Variants in TJP3 observed in about 807,000 individuals in gnomAD.
The protein encoded by TJP3 is tight junction protein ZO-3.
TJP3 carries 85 observed loss-of-function variants against 104.2 expected under a neutral mutation model. The ratio of observed to expected loss-of-function variants is 0.82; its 90% CI spans 0.68 to 0.98. The LOEUF (loss-of-function observed/expected upper bound fraction) is 0.98, where lower values mean the gene tolerates loss of function less well. Ranked by LOEUF, TJP3 falls within the 50% of genes least tolerant of loss-of-function variation. TJP3 has a pLI of 0.00. For missense variants in TJP3, 1,367 were observed against 1,322.8 expected (o/e 1.03, Z -0.52); for synonymous variants, 550 against 550.6 (o/e 1.00, Z 0.02).
rs2036749905 is a variant in TJP3, at chr19:3,737,254, T to A, written c.1284+933T>A. On this transcript the variant is annotated intron_variant, in intron 11 of 20. Coordinates refer to ENST00000541714, the MANE Select transcript of TJP3 (RefSeq NM_001267560.2). ...CATTCTTGTTATCAATGTCACAATC[T>A]CCTTGTTATCAATGTCAGGACTTTG... Among the ~76,000 whole-genome samples the A allele has an allele frequency of 2.0e-5, 3 of 152,148 alleles. No individual in the cohort carries two copies. The South Asian group carries it at 6.2e-4, about 32-fold the overall frequency.
intron 1 of TJP3, among the ~76,000 whole-genome samples, chr19:3,719,435 A>G (rs1003888414): frequency 1.3e-5 from 2 of 151,868 alleles, no homozygotes; most frequent in African/African-American, 4.8e-5. Flanking sequence ...CTTCATCTAT[A>G]AAATATGTGT....
chr19:3,724,062 G>A (rs1007447620), intron 1 of TJP3, among the ~76,000 whole-genome samples: 1 of 152,094 alleles, frequency 6.6e-6, no homozygotes, highest in African/African-American at 2.4e-5. Context: ...CAGGCACTGT[G>A]GAGCTCTGGA....
chr19:3,722,535 G>A (rs908436105), intron 1 of TJP3, among the ~76,000 whole-genome samples: 123 of 150,416 alleles, frequency 8.2e-4, no homozygotes, highest in Non-Finnish European at 8.6e-4. Context: ...CCAGGCAGAG[G>A]CAGGGGTGGG....
At chr19:3,724,364 T>A (rs1262531719) in intron 1 of TJP3, among the ~76,000 whole-genome samples, 1 of 151,938 alleles carries the variant, frequency 6.6e-6, no homozygotes, top group Non-Finnish European at 1.5e-5. Context: ...CCCTGCTAAT[T>A]TTTTGTATTT....
At chr19:3,749,413 C>T (rs1383309120) in intron 19 of TJP3, among the ~76,000 whole-genome samples, 6 of 152,112 alleles carry the variant, frequency 3.9e-5, no homozygotes, top group Non-Finnish European at 4.4e-5. Context: ...AATCATAGTT[C>T]GTTGCGGCCT....
chr19:3,738,194 C>T (rs903066148), intron 11 of TJP3, among the ~76,000 whole-genome samples: 2 of 152,210 alleles, frequency 1.3e-5, no homozygotes, highest in African/African-American at 4.8e-5. Flanking sequence ...ACTGTGACTA[C>T]GTCTGAGTTC....
Position 3,728,465 on chromosome 19 carries a change from G to A in TJP3, c.33G>A (p.Thr11=), listed in dbSNP as rs756660702. The part of the protein sequence containing the change: MEELTIWEQH[T]ATLSKDPRRG... The stretch of plus-strand genomic sequence containing the variant: ...AGCTGACCATCTGGGAACAGCACAC[G>A]GCCACACTGTCCAAGGTGAGGCCTC... Residue 11 remains threonine (T), a synonymous_variant, in exon 2 of 21, where the codon ACG becomes ACA. Transcript: ENST00000541714. 16 of 1,612,676 alleles carry A rather than the reference G, an allele frequency of 9.9e-6. No individual in the cohort carries two copies. The highest frequency in any genetic ancestry group is 2.7e-5 in the African/African-American group (2 of 74,834).
intron 18 of TJP3, 21 bp from the exon 19 acceptor site, chr19:3,747,773 G>A (rs765489530): frequency 1.9e-6 from 3 of 1,545,880 alleles, no homozygotes; most frequent in East Asian, 4.6e-5. Context: ...GCCAGCCGCA[G>A]CATCCACACC....
At chr19:3,722,868 GCAC>G (rs1568379705) in intron 1 of TJP3, among the ~76,000 whole-genome samples, 32 of 70,934 alleles carry the variant, frequency 4.5e-4, no homozygotes, top group East Asian at 7.4e-4. Flanking sequence ...GGGGGGGGGG[GCAC>G]AGGGGACGGC....
rs370721014 is a variant in TJP3 at position 3,735,909 on chromosome 19, C to T, written c.1101C>T (p.Pro367=). 177 of 1,614,130 alleles carry T rather than the reference C, an allele frequency of 1.1e-4. No homozygotes were observed. The Middle Eastern group carries it at 1.2e-3, about 11-fold the overall frequency. ...RESSYDIYRV[P]SSQSMEDRGY... ...GCAGCTATGACATCTACAGAGTGCC[C>T]AGCAGTCAGAGCATGGAGGATCGTG... Residue 367 remains proline, a synonymous_variant, in exon 10 of 21, where the codon CCC becomes CCT. Transcript: ENST00000541714.
chr19:3,746,858 C>G lies in TJP3; in HGVS notation c.2304C>G (p.Ile768Met). 1 of 1,588,696 alleles carries G rather than the reference C, an allele frequency of 6.3e-7. No individual in the cohort carries two copies. Among genetic ancestry groups the G allele is most frequent in the Non-Finnish European group, 8.6e-7 (1 of 1,166,646 alleles). Residue 768 changes from isoleucine (I) to methionine (M), a missense_variant, in exon 18 of 21, where the codon ATC becomes ATG. Transcript: ENST00000541714. The surrounding 1 kb of genome is among the most constrained non-coding windows in gnomAD (Gnocchi z 4.1). ...TTCGAGAGCAGCAGACGCGGCCCATCTGGACGGCGGAAGATCAGGTACTGC... is the reference window on the plus strand; with the variant it reads ...TTCGAGAGCAGCAGACGCGGCCCATGTGGACGGCGGAAGATCAGGTACTGC... ...AIIREQQTRP[I>M]WTAEDQLDGS...
chr19:3,737,320 C>T (rs924202683), intron 11 of TJP3, among the ~76,000 whole-genome samples: 2 of 152,070 alleles, frequency 1.3e-5, no homozygotes, highest in Admixed American at 6.6e-5. Context: ...TTGTCTGGGT[C>T]GCAATCCTCT....
At position 3,728,601 on chromosome 19, in the gene TJP3, C is replaced by T. The variant is rs755698864; in HGVS notation, c.49-3C>T. On this transcript the variant is annotated splice_region_variant and splice_polypyrimidine_tract_variant and intron_variant, in intron 2 of 20. Coordinates refer to ENST00000541714, the MANE Select transcript of TJP3 (RefSeq NM_001267560.2). ...GCTCTTCCTTCCCCTCATCCTCTCT[C>T]AGGACCCCCGCCGGGGCTTTGGCAT... is the stretch of plus-strand genomic sequence containing the variant. The T allele has an allele frequency of 5.0e-6, 8 of 1,611,476 alleles. No homozygotes were observed. The East Asian group carries it at 1.8e-4, about 36-fold the overall frequency.
At chr19:3,712,510 T>G (rs1182597982) in intron 1 of TJP3, among the ~76,000 whole-genome samples, 1 of 152,084 alleles carries the variant, frequency 6.6e-6, no homozygotes, top group African/African-American at 2.4e-5. Flanking sequence ...GAGCCTTCCC[T>G]GAAATACTGC....
Position 3,750,753 on chromosome 19 carries a change from C to T in TJP3, c.*69C>T, listed in dbSNP as rs1469604066. ...TGGGGCTGGGACTCAGTTTCCCATA[C>T]AGAACCCACAACCTTACCTCCCTCC... On this transcript the variant is annotated 3_prime_UTR_variant, in exon 21 of 21. Transcript: ENST00000541714. 6 of 1,351,982 alleles carry T rather than the reference C, an allele frequency of 4.4e-6. No homozygotes were observed. Among genetic ancestry groups the T allele is most frequent in the Non-Finnish European group, 6.2e-6 (6 of 965,506 alleles). The allele number at this position is 1,351,982 out of a possible 1,614,324, so 83.7% of individuals were successfully genotyped here. A position where few individuals can be genotyped will look rare whatever the true frequency, so the allele number is the denominator to read the frequency against.
At position 3,739,791 on chromosome 19, in the gene TJP3, C is replaced by G. The variant is rs200020423; in HGVS notation, c.1631+657C>G. The stretch of plus-strand genomic sequence containing the variant: ...AGGGGCCGCATCCCTCAGCTCGGGG[C>G]CCCTTCCTCCCCCTTCATAGCCACA... On this transcript the variant is annotated intron_variant, in intron 13 of 20. Transcript: ENST00000541714. 3.5e-4 allele frequency among the ~76,000 whole-genome samples: 53 copies of G among 152,270 alleles called. No homozygotes were observed. In the East Asian group the frequency reaches 6.9e-3, roughly 20 times the overall value.
chr19:3,742,493 G>T (rs2036835453), intron 14 of TJP3, among the ~76,000 whole-genome samples: 1 of 150,708 alleles, frequency 6.6e-6, no homozygotes, highest in Non-Finnish European at 1.5e-5. Context: ...AGAGGACAGG[G>T]GGTTAAAAAC....
At chr19:3,712,885 G>C (rs1413360621) in intron 1 of TJP3, among the ~76,000 whole-genome samples, 2 of 151,668 alleles carry the variant, frequency 1.3e-5, no homozygotes, top group African/African-American at 2.4e-5. Context: ...GGAAAGTGGA[G>C]GCTGCAGTGA....
chr19:3,736,154 TC>T lies in TJP3; in HGVS notation c.1128-7del. On this transcript the variant is annotated splice_polypyrimidine_tract_variant and intron_variant, in intron 10 of 20. Coordinates refer to ENST00000541714, the MANE Select transcript of TJP3 (RefSeq NM_001267560.2). ...ACTCTGCTCTGACCCCATCTCTGCC[TC>T]CCCTTGCAGGTACAGCCCCGACACG... 6.3e-7 allele frequency: 1 copy of T among 1,576,402 alleles called. No individual in the cohort carries two copies. The highest frequency in any genetic ancestry group is 8.6e-7 in the Non-Finnish European group (1 of 1,161,028).
Sources: gnomAD v4.1 joint callset for allele counts (sites outside exome capture counted in the v4.1 genomes callset) on GRCh38, gnomAD v4.1.1 for gene constraint, Gnocchi (gnomAD v3.1) non-coding constraint, MANE v1.5 for transcripts, NCBI Gene and HGNC (gene_info 2026-07-23, HGNC 2026-07-21) for gene names.